KLHL18: variants seen among roughly 807,000 people sequenced by gnomAD.
The protein encoded by KLHL18 is kelch-like protein 18.
In KLHL18, 38 loss-of-function variants were observed where a neutral mutation model predicts 58.5. The observed-to-expected ratio is 0.65, with a 90% CI of 0.50 to 0.85. KLHL18 has a LOEUF of 0.85. Among genes scored for constraint, KLHL18 ranks in the 40% least tolerant of loss-of-function variants. KLHL18 has a pLI of 0.00. For synonymous variants in KLHL18, 303 were observed against 301.9 expected, an observed-to-expected ratio of 1.00 and a Z score of -0.04; for missense variants, 624 against 778.4, an observed-to-expected ratio of 0.80 and a Z score of 2.36.
At chr3:47,321,757 A>C (rs1038774807) in intron 2 of KLHL18, among the ~76,000 whole-genome samples, 2 of 152,178 alleles carry the variant, frequency 1.3e-5, no homozygotes, top group Non-Finnish European at 2.9e-5. Context: ...CTAGTGAAGG[A>C]TGGTGGAGTC....
intron 3 of KLHL18, among the ~76,000 whole-genome samples, chr3:47,327,710 A>C (rs959545415): frequency 6.6e-6 from 1 of 152,226 alleles, no homozygotes; most frequent in Non-Finnish European, 1.5e-5. Flanking sequence ...CAGTTTCCAA[A>C]GCAATGGACA....
chr3:47,284,715 G>C (rs932355027), intron 1 of KLHL18, among the ~76,000 whole-genome samples: 3 of 152,236 alleles, frequency 2.0e-5, no homozygotes, highest in African/African-American at 7.2e-5. Flanking sequence ...AGATGGTAGA[G>C]TAGGATGGTT....
chr3:47,309,327 A>C lies in KLHL18; in HGVS notation c.130-10326A>C, dbSNP rs548243827. ...CGGCGGCCGGGCAGAGGGGCTCCTC[A>C]CTTCCCAGAAGGGGCAGCTGCCGGG... On this transcript the variant is annotated intron_variant, in intron 1 of 9. Coordinates refer to ENST00000232766, the MANE Select transcript of KLHL18 (RefSeq NM_025010.5). Among the ~76,000 whole-genome samples the C allele has an allele frequency of 2.6e-5, 4 of 151,448 alleles. No individual in the cohort carries two copies. The East Asian group carries it at 7.8e-4, about 30-fold the overall frequency.
At chr3:47,320,386 G>A (rs1576165934) in intron 2 of KLHL18, among the ~76,000 whole-genome samples, 1 of 152,220 alleles carries the variant, frequency 6.6e-6, no homozygotes, top group Middle Eastern at 3.4e-3. Flanking sequence ...TACTATATTA[G>A]ACAACACAGG....
intron 1 of KLHL18, among the ~76,000 whole-genome samples, chr3:47,310,843 A>T (rs1703281135): frequency 1.3e-5 from 2 of 151,760 alleles, no homozygotes. Context: ...CTCCTTTCCC[A>T]CTGCCACCAT....
At chr3:47,299,979 T>C (rs1216288928) in intron 1 of KLHL18, among the ~76,000 whole-genome samples, 5 of 151,978 alleles carry the variant, frequency 3.3e-5, no homozygotes, top group African/African-American at 1.2e-4. Context: ...CTGTATATTT[T>C]GGATTTGCTA....
chr3:47,320,181 G>A (rs746350748), intron 2 of KLHL18, among the ~76,000 whole-genome samples: 1 of 152,096 alleles, frequency 6.6e-6, no homozygotes, highest in Non-Finnish European at 1.5e-5. Flanking sequence ...GTCTAGAACA[G>A]TGTTGTCCAC....
intron 3 of KLHL18, among the ~76,000 whole-genome samples, chr3:47,329,443 G>A (rs1703802458): frequency 1.3e-5 from 2 of 152,154 alleles, no homozygotes; most frequent in African/African-American, 4.8e-5. Flanking sequence ...CAGCCAGGAT[G>A]GTCTTGATCT....
At chr3:47,325,909 A>G (rs1350375765) in intron 3 of KLHL18, among the ~76,000 whole-genome samples, 1 of 150,910 alleles carries the variant, frequency 6.6e-6, no homozygotes, top group Non-Finnish European at 1.5e-5. Flanking sequence ...GCAGGATTAC[A>G]GGTGCCTGCC....
chr3:47,334,964 G>T lies in KLHL18; in HGVS notation c.898+145G>T. 1.3e-6 allele frequency: 1 copy of T among 779,084 alleles called. No individual in the cohort carries two copies. Among genetic ancestry groups the T allele is most frequent in the Non-Finnish European group, 2.0e-6 (1 of 496,024 alleles). 48.3% of individuals were successfully genotyped at this position (779,084 alleles called of 1,614,324 possible). On this transcript the variant is annotated intron_variant, in intron 6 of 9. Transcript: ENST00000232766. This position sits in a 1 kb window ranked among gnomAD's most constrained non-coding sequence, Gnocchi z 4.7. Reference sequence around the variant, plus strand: ...CTTGATTTTATACAATTGCTCTACAGTTAGAGCATGTCACATATTCATGCC... The same window carrying T: ...CTTGATTTTATACAATTGCTCTACATTTAGAGCATGTCACATATTCATGCC...
rs766579823 is a variant in KLHL18 at position 47,333,216 on chromosome 3, G to A, written c.660G>A (p.Leu220=). The A allele has an allele frequency of 5.0e-6, 8 of 1,614,064 alleles. No homozygotes were observed. The highest frequency in any genetic ancestry group is 1.1e-5 in the South Asian group (1 of 91,086). The change falls in exon 5 of 10, where the codon CTG becomes CTA. Residue 220 remains leucine (L), a synonymous_variant. Coordinates refer to ENST00000232766, the MANE Select transcript of KLHL18 (RefSeq NM_025010.5). ...RYDREQRGPY[L]PELLSNIRLP... ...ACCGGGAGCAGAGGGGTCCCTACCT[G>A]CCTGAGCTGCTGTCCAATATCCGCC...
intron 1 of KLHL18, among the ~76,000 whole-genome samples, chr3:47,311,419 G>A (rs1010468916): frequency 6.6e-6 from 1 of 152,032 alleles, no homozygotes; most frequent in African/African-American, 2.4e-5. Flanking sequence ...TAGGCCAGGC[G>A]TGGTGGCTCA....
intron 1 of KLHL18, among the ~76,000 whole-genome samples, chr3:47,301,579 T>G (rs1457311165): frequency 6.6e-6 from 1 of 152,240 alleles, no homozygotes; most frequent in Non-Finnish European, 1.5e-5. Context: ...TCTATTGTTC[T>G]TTGTTCCTGT....
chr3:47,292,888 C>T (rs1180271298), intron 1 of KLHL18, among the ~76,000 whole-genome samples: 4 of 134,578 alleles, frequency 3.0e-5, no homozygotes, highest in Admixed American at 8.1e-5. Context: ...GCCTGGGCAA[C>T]AGCGAGACCC....
intron 4 of KLHL18, among the ~76,000 whole-genome samples, chr3:47,332,516 A>G (rs1017020840): frequency 1.3e-5 from 2 of 148,652 alleles, no homozygotes; most frequent in Admixed American, 1.4e-4. Context: ...TTGGCAGCAT[A>G]GACACTGTGG....
chr3:47,340,587 C>T lies in KLHL18; in HGVS notation c.1137C>T (p.Val379=), dbSNP rs140168010. The part of the protein sequence containing the change: ...MNSKRSAMGT[V]VLDGQIYVCG... ...TCTGTTTCAGTGCCATGGGGACAGTCGTGCTGGATGGGCAGATCTACGTCT... is the reference window on the plus strand; with the variant it reads ...TCTGTTTCAGTGCCATGGGGACAGTTGTGCTGGATGGGCAGATCTACGTCT... Residue 379 remains valine (V), a synonymous_variant, in exon 8 of 10, where the codon GTC becomes GTT. Transcript: ENST00000232766. 356 of 1,613,938 alleles carry T rather than the reference C, an allele frequency of 2.2e-4. No homozygotes were observed. In the African/African-American group the frequency reaches 3.3e-3, roughly 15 times the overall value.
intron 1 of KLHL18, among the ~76,000 whole-genome samples, chr3:47,302,417 G>A (rs746940660): frequency 6.6e-6 from 1 of 152,178 alleles, no homozygotes; most frequent in African/African-American, 2.4e-5. Flanking sequence ...CCCAGGAGGC[G>A]GAGGTTGCAG....
chr3:47,312,905 A>ATT (rs35710141), intron 1 of KLHL18, among the ~76,000 whole-genome samples: 285 of 117,832 alleles, frequency 2.4e-3, no homozygotes, highest in Non-Finnish European at 3.2e-3. Flanking sequence ...ATACCTTTTA[A>ATT]TTTTTTTTTT....
At position 47,291,747 on chromosome 3, in the gene KLHL18, A is replaced by G. The variant is rs1437955616; in HGVS notation, c.129+8653A>G. Among the ~76,000 whole-genome samples the G allele has an allele frequency of 2.0e-5, 3 of 152,212 alleles. No individual in the cohort carries two copies. In the East Asian group the frequency reaches 5.8e-4, roughly 29 times the overall value. On this transcript the variant is annotated intron_variant, in intron 1 of 9. Coordinates refer to ENST00000232766, the MANE Select transcript of KLHL18 (RefSeq NM_025010.5). Reference sequence around the variant, plus strand: ...TATACTTCTGTAGTTTCAACACAGTATTTAGGAATTGAAGCATTTCTTGTT... The same window carrying G: ...TATACTTCTGTAGTTTCAACACAGTGTTTAGGAATTGAAGCATTTCTTGTT...
Sources: allele counts gnomAD v4.1 joint callset (sites outside exome capture counted in the v4.1 genomes callset), GRCh38; gene constraint gnomAD v4.1.1; non-coding constraint Gnocchi (gnomAD v3.1); transcripts MANE v1.5; gene names NCBI Gene and HGNC (gene_info 2026-07-23, HGNC 2026-07-21).